The following ADCY8 variants were observed in gnomAD, a reference collection of about 807,000 sequenced individuals.
ADCY8 encodes the protein adenylate cyclase type 8.
In ADCY8, 51 loss-of-function variants were observed where a neutral mutation model predicts 119.7. The ratio of observed to expected loss-of-function variants is 0.43; its 90% CI spans 0.34 to 0.54. The LOEUF (loss-of-function observed/expected upper bound fraction) is 0.54. ADCY8 is among the 20% of genes least tolerant of loss of function. The pLI is 0.03. For synonymous variants in ADCY8, 665 were observed against 651.0 expected (o/e 1.02, Z -0.33); for missense variants, 1,383 against 1,598.8 (o/e 0.87, Z 2.30).
chr8:130,990,629 A>G (rs913241661), intron 1 of ADCY8, 87 bp from the exon 2 acceptor site: 9 of 1,518,750 alleles, frequency 5.9e-6, no homozygotes, highest in Non-Finnish European at 7.2e-6. Context: ...TGAATTTCCA[A>G]GGTAAATCCT....
At chr8:130,849,940 T>C in intron 9 of ADCY8, 137 bp from the exon 10 acceptor site, 1 of 871,586 alleles carries the variant, frequency 1.1e-6, no homozygotes. Context: ...AAAAAGGTTA[T>C]TAGCAGGAGA....
At chr8:130,966,824 T>C (rs1379586271) in intron 2 of ADCY8, among the ~76,000 whole-genome samples, 1 of 152,214 alleles carries the variant, frequency 6.6e-6, no homozygotes, top group Non-Finnish European at 1.5e-5. Context: ...ATTAAATCAG[T>C]TAATATTTAT....
At chr8:130,799,616 C>G (rs541938209) in intron 15 of ADCY8, among the ~76,000 whole-genome samples, 1 of 152,312 alleles carries the variant, frequency 6.6e-6, no homozygotes, top group East Asian at 1.9e-4. Context: ...TGAGAACTCC[C>G]TTGCTGGAAA....
intron 8 of ADCY8, among the ~76,000 whole-genome samples, chr8:130,881,848 ATTT>A (rs35121882): frequency 1.6e-4 from 23 of 145,210 alleles, no homozygotes; most frequent in African/African-American, 5.6e-4. Context: ...TTCTCTGATA[ATTT>A]TTTTTTTTTT....
chr8:130,857,181 T>G (rs145873894), intron 9 of ADCY8, among the ~76,000 whole-genome samples: 5 of 151,270 alleles, frequency 3.3e-5, no homozygotes, highest in Admixed American at 6.6e-5. Context: ...GCATGGCACA[T>G]GTATACACAT....
At chr8:130,783,408 G>A (rs1036247497) in intron 17 of ADCY8, among the ~76,000 whole-genome samples, 3 of 152,230 alleles carry the variant, frequency 2.0e-5, no homozygotes, top group Non-Finnish European at 4.4e-5. Context: ...TGCATGGGCA[G>A]GCAAGTTGGA....
chr8:130,960,591 G>A (rs1026412535), intron 2 of ADCY8, among the ~76,000 whole-genome samples: 12 of 152,144 alleles, frequency 7.9e-5, no homozygotes, highest in African/African-American at 2.9e-4. Flanking sequence ...ATCAGAAAAA[G>A]AGCCTGGAAA....
chr8:130,805,317 G>T lies in ADCY8; in HGVS notation c.2914-4745C>A, dbSNP rs1012080542. Among the ~76,000 whole-genome samples, 11 of 152,158 alleles carry T rather than the reference G, an allele frequency of 7.2e-5. 1 individual carries two copies. The highest frequency in any genetic ancestry group is 6.5e-4 in the Admixed American group (10 of 15,270). ...ACCCGAGCCCCATAGTTGTTATGAC[G>T]TAGAGCTGAAATTTGTACTGCTAAT... On this transcript the variant is annotated intron_variant, in intron 14 of 17. Coordinates refer to ENST00000286355, the MANE Select transcript of ADCY8 (RefSeq NM_001115.3).
At chr8:131,002,374 T>A (rs921887242) in intron 1 of ADCY8, among the ~76,000 whole-genome samples, 1 of 152,166 alleles carries the variant, frequency 6.6e-6, no homozygotes, top group African/African-American at 2.4e-5. Context: ...GAGGAACAGT[T>A]ATCGCGAAGG....
At chr8:130,830,243 A>T (rs184597136) in intron 12 of ADCY8, among the ~76,000 whole-genome samples, 1 of 152,208 alleles carries the variant, frequency 6.6e-6, no homozygotes, top group Non-Finnish European at 1.5e-5. Context: ...AGATGCTGAC[A>T]TTGTGACAAT....
intron 8 of ADCY8, among the ~76,000 whole-genome samples, chr8:130,869,706 A>G (rs1423516107): frequency 2.0e-5 from 3 of 150,950 alleles, no homozygotes; most frequent in Non-Finnish European, 4.4e-5. Context: ...TTTAGTAGAG[A>G]TGGGGTTTCA....
chr8:130,936,218 A>T (rs188617693), intron 5 of ADCY8, among the ~76,000 whole-genome samples: 89 of 152,214 alleles, frequency 5.8e-4, no homozygotes, highest in Middle Eastern at 3.4e-3. Context: ...TGCTGACAAT[A>T]CTAAGATTCT....
At chr8:130,893,715 TGTTTATGTGTGTGTTTGTGGGTGTGCAA>T in intron 7 of ADCY8, among the ~76,000 whole-genome samples, 1 of 151,350 alleles carries the variant, frequency 6.6e-6, no homozygotes, top group East Asian at 1.9e-4. Context: ...TGTGTGTGCA[TGTTTATGTGTGTGTTTGTGGGTGTGCAA>T]GTTTATGTGT....
intron 1 of ADCY8, among the ~76,000 whole-genome samples, chr8:131,020,143 G>C (rs369726167): frequency 1.3e-5 from 2 of 152,134 alleles, no homozygotes; most frequent in East Asian, 1.9e-4. Flanking sequence ...TCAGATCTAA[G>C]AGGTAGATCC....
intron 9 of ADCY8, among the ~76,000 whole-genome samples, chr8:130,858,834 C>G (rs1267485547): frequency 6.6e-6 from 1 of 151,918 alleles, no homozygotes; most frequent in African/African-American, 2.4e-5. Context: ...TTTATTCCAG[C>G]TTTGGCCCTC....
chr8:131,030,753 T>G (rs1456966112), intron 1 of ADCY8, among the ~76,000 whole-genome samples: 1 of 152,202 alleles, frequency 6.6e-6, no homozygotes, highest in East Asian at 1.9e-4. Context: ...TATTCAATAG[T>G]TATTCCACCT....
At chr8:130,934,240 G>GA (rs1267871722) in intron 5 of ADCY8, among the ~76,000 whole-genome samples, 1 of 152,146 alleles carries the variant, frequency 6.6e-6, no homozygotes, top group African/African-American at 2.4e-5. Context: ...AATTTATAAA[G>GA]AAAAAAGGTT....
chr8:130,945,845 C>T (rs965843743), intron 3 of ADCY8, among the ~76,000 whole-genome samples: 29 of 152,350 alleles, frequency 1.9e-4, no homozygotes, highest in African/African-American at 7.0e-4. Flanking sequence ...GAGAGCCCTA[C>T]ATGTATTCAC....
At chr8:130,941,417 A>C (rs1820952469) in intron 4 of ADCY8, among the ~76,000 whole-genome samples, 1 of 152,178 alleles carries the variant, frequency 6.6e-6, no homozygotes, top group African/African-American at 2.4e-5. Flanking sequence ...GTGACACCAG[A>C]AATGCACCTT....
Sources: gnomAD v4.1 joint callset for allele counts (sites outside exome capture counted in the v4.1 genomes callset) on GRCh38, gnomAD v4.1.1 for gene constraint, MANE v1.5 for transcripts, NCBI Gene and HGNC (gene_info 2026-07-23, HGNC 2026-07-21) for gene names.